Variants in TRMT1 observed in about 807,000 individuals in gnomAD.
The protein encoded by TRMT1 is tRNA (guanine(26)-N(2))-dimethyltransferase.
A neutral mutation model predicts 75.4 loss-of-function variants in TRMT1; 63 were observed. The observed-to-expected ratio is 0.84, with a 90% confidence interval of 0.68 to 1.03. The LOEUF (loss-of-function observed/expected upper bound fraction) is 1.03. TRMT1 is among the 50% of genes least tolerant of loss of function. The probability of loss-of-function intolerance (pLI) is 0.00; values close to 1 mark genes in which losing one functional copy is unlikely to be tolerated. For synonymous variants in TRMT1, 382 were observed against 358.1 expected, an observed-to-expected ratio of 1.07 and a Z score of -0.75; for missense variants, 870 against 905.3, an observed-to-expected ratio of 0.96 and a Z score of 0.50.
rs755767821 is a variant in TRMT1, at chr19:13,116,219, C to T, written c.181G>A (p.Ala61Thr). Residue 61 changes from alanine (A) to threonine (T), a missense_variant, in exon 2 of 17, where the codon GCT becomes ACT. By Grantham distance (58) the Ala-to-Thr change is moderately conservative. Transcript: ENST00000357720. ...GCACTGGGAAAGGCGATTTTGGCAG[C>T]CCCCTCGGTGACTGTCGTCTCCTGG... is the stretch of plus-strand genomic sequence containing the variant. Reference protein sequence around the residue: ...EVQETTVTEGAAKIAFPSANE... With the variant: ...EVQETTVTEGTAKIAFPSANE... The T allele has an allele frequency of 1.2e-6, 2 of 1,614,186 alleles. No homozygotes were observed. The highest frequency in any genetic ancestry group is 2.2e-5 in the East Asian group (1 of 44,884).
At position 13,105,381 on chromosome 19, in the gene TRMT1, G is replaced by A. The variant is rs761776581; in HGVS notation, c.1719C>T (p.Asp573=). ...PRARPGGKAA[D]EAMEERRRLL... ...GCCTGCGTCTCTCCTCCATAGCTTC[G>A]TCGGCCGCCTTGCCCCTGTGCGAGG... is the stretch of plus-strand genomic sequence containing the variant. The change falls in exon 16 of 17, where the codon GAC becomes GAT. Residue 573 remains aspartate (D), a synonymous_variant. Coordinates refer to ENST00000357720, the MANE Select transcript of TRMT1 (RefSeq NM_001136035.4). The A allele has an allele frequency of 1.2e-6, 2 of 1,613,702 alleles. No individual in the cohort carries two copies. The highest frequency in any genetic ancestry group is 2.2e-5 in the East Asian group (1 of 44,886).
rs140922671 is a variant in TRMT1 at position 13,105,384 on chromosome 19, G to C, written c.1716C>G (p.Ala572=). ...TGCGTCTCTCCTCCATAGCTTCGTC[G>C]GCCGCCTTGCCCCTGTGCGAGGGGA... ...RPRARPGGKA[A]DEAMEERRRL... Residue 572 remains alanine, a synonymous_variant, in exon 16 of 17, where the codon GCC becomes GCG. Coordinates refer to ENST00000357720, the MANE Select transcript of TRMT1 (RefSeq NM_001136035.4). The C allele has an allele frequency of 1.2e-6, 2 of 1,613,552 alleles. No individual in the cohort carries two copies. Among genetic ancestry groups the C allele is most frequent in the African/African-American group, 2.7e-5 (2 of 74,916 alleles).
chr19:13,115,571 G>C (rs2019310511), intron 4 of TRMT1, 55 bp downstream of exon 4: 1 of 1,609,030 alleles, frequency 6.2e-7, no homozygotes, highest in African/African-American at 1.3e-5. Context: ...CCCTCCAGGA[G>C]CCCTCTGTCT....
In TRMT1 at chr19:13,110,005, T is replaced by TG. The variant is rs1352668880; in HGVS notation, c.1020-5dup. The TG allele has an allele frequency of 1.2e-5, 20 of 1,612,988 alleles. No individual in the cohort carries two copies. The highest frequency in any genetic ancestry group is 6.7e-5 in the African/African-American group (5 of 74,882). On this transcript the variant is annotated splice_polypyrimidine_tract_variant and splice_region_variant and intron_variant, in intron 8 of 16. Transcript: ENST00000357720. ...CTGGAACACCAGCGCCTGCTTGCTGTGGGGGGTACCAGTGGCCACGAGTTC... is the reference window on the plus strand; with the variant it reads ...CTGGAACACCAGCGCCTGCTTGCTGTGGGGGGGTACCAGTGGCCACGAGTTC...
chr19:13,116,099 C>CA (rs762077955), intron 2 of TRMT1, 47 bp from the exon 3 acceptor site: 1 of 1,614,028 alleles, frequency 6.2e-7, no homozygotes, highest in Non-Finnish European at 8.5e-7. Flanking sequence ...CCGCCATCCA[C>CA]ACTGACCCAC....
At position 13,116,283 on chromosome 19, in the gene TRMT1, G is replaced by C; in HGVS notation, c.117C>G (p.Asn39Lys). ...GTTCTTCTCCGTAGGGCCCGGTGCCGTTCTCCATCGCTGCTGTATTCGGCA... is the reference window on the plus strand; with the variant it reads ...GTTCTTCTCCGTAGGGCCCGGTGCCCTTCTCCATCGCTGCTGTATTCGGCA... ...PGLPNTAAME[N>K]GTGPYGEERP... Residue 39 changes from asparagine to lysine, a missense_variant, in exon 2 of 17, where the codon AAC becomes AAG. Physicochemically the swap from Asn to Lys is moderately conservative, Grantham distance 94. Coordinates refer to ENST00000357720, the MANE Select transcript of TRMT1 (RefSeq NM_001136035.4). 6.2e-7 allele frequency: 1 copy of C among 1,614,120 alleles called. No homozygotes were observed. The highest frequency in any genetic ancestry group is 8.5e-7 in the Non-Finnish European group (1 of 1,180,028).
chr19:13,109,248 G>A (rs2019021374), intron 12 of TRMT1, 133 bp downstream of exon 12: 2 of 1,055,436 alleles, frequency 1.9e-6, no homozygotes, highest in Non-Finnish European at 2.7e-6. Flanking sequence ...CCAAGGTACT[G>A]GGATTACAGG....
rs771974099 is a variant in TRMT1 at position 13,115,702 on chromosome 19, T to C, written c.377A>G (p.Lys126Arg). 6.2e-7 allele frequency: 1 copy of C among 1,614,010 alleles called. No individual in the cohort carries two copies. The highest frequency in any genetic ancestry group is 1.1e-5 in the South Asian group (1 of 91,074). The change falls in exon 4 of 17, where the codon AAG (lysine) becomes AGG (arginine). Residue 126 changes from lysine to arginine, a missense_variant. Transcript: ENST00000357720. ...GTTTTCACTCTCTTTCAGTTCAACC[T>C]TTTCCTCCTCTTGCTCTGACAAGTC... ...VVDLSEQEEE[K>R]VELKESENLA... is the part of the protein sequence containing the mutation.
chr19:13,110,188 G>T lies in TRMT1; in HGVS notation c.989C>A (p.Thr330Asn). ...FYVRVFVRVF[T>N]GQAKVKASAS... The stretch of plus-strand genomic sequence containing the variant: ...TGAGGCCTTGACCTTGGCCTGGCCG[G>T]TGAAGACACGGACAAAAACACGCAC... Residue 330 changes from threonine (T) to asparagine (N), a missense_variant, in exon 8 of 17, where the codon ACC becomes AAC. Thr to Asn is a moderately conservative substitution (Grantham distance 65, BLOSUM62 0). Transcript: ENST00000357720. 1 of 1,612,400 alleles carries T rather than the reference G, an allele frequency of 6.2e-7. No individual in the cohort carries two copies.
intron 8 of TRMT1, 60 bp from the exon 9 acceptor site, chr19:13,110,061 C>G (rs2019078131): frequency 3.7e-6 from 6 of 1,611,828 alleles, no homozygotes; most frequent in Non-Finnish European, 5.1e-6. Context: ...CAACTCCTCC[C>G]TTAGACTGGC....
intron 3 of TRMT1, 84 bp from the exon 4 acceptor site, chr19:13,115,852 G>A: frequency 6.2e-7 from 1 of 1,605,526 alleles, no homozygotes; most frequent in South Asian, 1.1e-5. Context: ...TATCGTCCCT[G>A]AAATCCCTGC....
intron 5 of TRMT1, among the ~76,000 whole-genome samples, chr19:13,114,746 C>G (rs2019270601): frequency 6.6e-6 from 1 of 152,118 alleles, no homozygotes; most frequent in African/African-American, 2.4e-5. Flanking sequence ...GAGGCTGAGG[C>G]AGGGGAATGG....
chr19:13,112,642 G>A, intron 7 of TRMT1, 63 bp downstream of exon 7: 1 of 1,502,616 alleles, frequency 6.7e-7, no homozygotes, highest in Non-Finnish European at 9.1e-7. Context: ...AGTGTATTGG[G>A]AAGGGACTCA....
At chr19:13,116,504 ATC>A in intron 1 of TRMT1, 73 bp from the exon 2 acceptor site, 1 of 1,443,426 alleles carries the variant, frequency 6.9e-7, no homozygotes. Context: ...TGTCCTACAT[ATC>A]TATGAGGTAG....
At chr19:13,110,936 G>C (rs1356451651) in intron 7 of TRMT1, among the ~76,000 whole-genome samples, 2 of 152,110 alleles carry the variant, frequency 1.3e-5, no homozygotes, top group African/African-American at 4.8e-5. Context: ...GGCAACAAGA[G>C]TGAAACTCCA....
intron 9 of TRMT1, 29 bp from the exon 10 acceptor site, chr19:13,109,867 G>A (rs2019065136): frequency 6.2e-7 from 1 of 1,613,958 alleles, no homozygotes. Context: ...TTGGTGGGGA[G>A]GGAGGAAAAC....
Position 13,109,561 on chromosome 19 carries a change from C to G in TRMT1, c.1300G>C (p.Val434Leu). The change falls in exon 11 of 17, where the codon GTC (valine) becomes CTC (leucine). Residue 434 changes from valine (V) to leucine (L), a missense_variant. By Grantham distance (32) the Val-to-Leu change is conservative (BLOSUM62 1). Transcript: ENST00000357720. Reference sequence around the variant, plus strand: ...AGCCCGGCTCTCACCTCAGTGATGACGCTCAGGACCCCTCGGATCCGCTCC... The same window carrying G: ...AGCCCGGCTCTCACCTCAGTGATGAGGCTCAGGACCCCTCGGATCCGCTCC... The part of the protein sequence containing the change: ...TSERIRGVLS[V>L]ITEELPDVPL... 6.2e-7 allele frequency: 1 copy of G among 1,614,004 alleles called. No homozygotes were observed. Among genetic ancestry groups the G allele is most frequent in the Non-Finnish European group, 8.5e-7 (1 of 1,179,968 alleles).
At position 13,109,530 on chromosome 19, in the gene TRMT1, C is replaced by A. The variant is rs200813203; in HGVS notation, c.1311+20G>T. 4.3e-5 allele frequency: 70 copies of A among 1,613,818 alleles called. No individual in the cohort carries two copies. The highest frequency in any genetic ancestry group is 5.8e-5 in the Non-Finnish European group (69 of 1,179,958). The stretch of plus-strand genomic sequence containing the variant: ...CGGGCACAGGTGGAGCCCCCTTCCC[C>A]GTCACAGCCCGGCTCTCACCTCAGT... On this transcript the variant is annotated intron_variant, in intron 11 of 16. Coordinates refer to ENST00000357720, the MANE Select transcript of TRMT1 (RefSeq NM_001136035.4).
Position 13,104,973 on chromosome 19 carries a change from G to T in TRMT1, c.1942C>A (p.Pro648Thr), listed in dbSNP as rs144546583. ...GGCCCAGCGGCAGCCCCAGGTCCAG[G>T]GGGGGTCTGGTTGGAGGTCTCTGGA... Reference protein sequence around the residue: ...DCPETSNQTPPGPGAAAGPGI... With the variant: ...DCPETSNQTPTGPGAAAGPGI... The change falls in exon 17 of 17, where the codon CCT becomes ACT. Residue 648 changes from proline to threonine, a missense_variant. By Grantham distance (38) the Pro-to-Thr change is conservative. Transcript: ENST00000357720. The T allele has an allele frequency of 2.1e-5, 34 of 1,613,738 alleles. 1 individual carries two copies. The highest frequency in any genetic ancestry group is 1.6e-4 in the Middle Eastern group (1 of 6,084).
Sources: gnomAD v4.1 joint callset for allele counts (sites outside exome capture counted in the v4.1 genomes callset) on GRCh38, gnomAD v4.1.1 for gene constraint, MANE v1.5 for transcripts, NCBI Gene and HGNC (gene_info 2026-07-23, HGNC 2026-07-21) for gene names.